ELMO1: variants seen among roughly 807,000 people sequenced by gnomAD.
ELMO1 encodes engulfment and cell motility 1, also known as engulfment and cell motility protein 1.
Under a neutral mutation model 98.9 loss-of-function variants are expected in ELMO1, and 26 were observed. The observed-to-expected ratio is 0.26, with a 90% CI of 0.19 to 0.36. ELMO1 has a LOEUF of 0.36. Ranked by LOEUF, ELMO1 falls within the 10% of genes least tolerant of loss-of-function variation. ELMO1 has a pLI of 1.00. For missense variants in ELMO1, 627 were observed against 935.2 expected (o/e 0.67, Z 4.30); for synonymous variants, 346 against 346.0 (o/e 1.00, Z 0.00).
intron 15 of ELMO1, among the ~76,000 whole-genome samples, chr7:37,092,585 C>T (rs1784168835): frequency 6.6e-6 from 1 of 151,862 alleles, no homozygotes; most frequent in African/African-American, 2.4e-5. Flanking sequence ...CCGTGTTAGA[C>T]AGGACGGTCT....
intron 16 of ELMO1, among the ~76,000 whole-genome samples, chr7:37,001,620 G>A (rs1252300818): frequency 6.6e-6 from 1 of 152,208 alleles, no homozygotes; most frequent in East Asian, 1.9e-4. Flanking sequence ...ATAAAAGGGA[G>A]ATGGTAACTA....
intron 2 of ELMO1, among the ~76,000 whole-genome samples, chr7:37,337,685 G>A (rs564289833): frequency 2.6e-5 from 4 of 152,306 alleles, no homozygotes; most frequent in Admixed American, 2.6e-4. Flanking sequence ...AGTCTGTGAT[G>A]CCATGCAAAT....
At chr7:37,256,063 A>G (rs1179134461) in intron 6 of ELMO1, among the ~76,000 whole-genome samples, 1 of 152,108 alleles carries the variant, frequency 6.6e-6, no homozygotes, top group African/African-American at 2.4e-5. Context: ...CCCCTCACAG[A>G]CAGGACCCTC....
intron 1 of ELMO1, among the ~76,000 whole-genome samples, chr7:37,365,264 A>C (rs989651885): frequency 2.0e-5 from 3 of 152,144 alleles, no homozygotes; most frequent in African/African-American, 7.2e-5. Context: ...AAAATAAAAG[A>C]GGTTGTTTTG....
At chr7:37,069,624 A>C (rs1797165419) in intron 15 of ELMO1, among the ~76,000 whole-genome samples, 1 of 152,216 alleles carries the variant, frequency 6.6e-6, no homozygotes, top group Non-Finnish European at 1.5e-5. Flanking sequence ...CCCCAAACTT[A>C]TAATTTATTT....
chr7:37,446,776 C>T (rs554681412), intron 1 of ELMO1, among the ~76,000 whole-genome samples: 2 of 152,252 alleles, frequency 1.3e-5, no homozygotes, highest in South Asian at 4.2e-4. Flanking sequence ...TGACACAACC[C>T]CTCCCCAAGA....
At chr7:37,424,048 A>T (rs1804602588) in intron 1 of ELMO1, among the ~76,000 whole-genome samples, 2 of 152,150 alleles carry the variant, frequency 1.3e-5, no homozygotes, top group Admixed American at 1.3e-4. Flanking sequence ...TGGAATGCAG[A>T]TCAAGGTCCA....
intron 13 of ELMO1, among the ~76,000 whole-genome samples, chr7:37,182,616 C>T (rs981665962): frequency 6.6e-6 from 1 of 151,536 alleles, no homozygotes; most frequent in African/African-American, 2.4e-5. Context: ...CCTTGACAAG[C>T]GCTTTTTCAT....
At chr7:37,099,709 T>C (rs981112516) in intron 14 of ELMO1, among the ~76,000 whole-genome samples, 7 of 152,348 alleles carry the variant, frequency 4.6e-5, no homozygotes, top group Admixed American at 2.0e-4. Context: ...TCTCTATCAA[T>C]TGATTTCCAA....
intron 2 of ELMO1, among the ~76,000 whole-genome samples, chr7:37,336,461 G>A (rs1684962304): frequency 6.6e-6 from 1 of 152,230 alleles, no homozygotes; most frequent in African/African-American, 2.4e-5. Flanking sequence ...CTGTTGTTAT[G>A]TATGTAGGCA....
At chr7:37,292,743 G>T (rs1188369188) in intron 4 of ELMO1, among the ~76,000 whole-genome samples, 1 of 85,688 alleles carries the variant, frequency 1.2e-5, no homozygotes, top group African/African-American at 4.1e-5. Flanking sequence ...AGGTGGGGGG[G>T]TCAGCCCCCC....
intron 14 of ELMO1, among the ~76,000 whole-genome samples, chr7:37,128,212 C>T (rs936091461): frequency 2.7e-5 from 4 of 150,180 alleles, no homozygotes; most frequent in Non-Finnish European, 1.5e-5. Context: ...AACAAACAAA[C>T]AAAAAACATA....
At chr7:37,076,225 C>T (rs575587561) in intron 15 of ELMO1, among the ~76,000 whole-genome samples, 1 of 152,302 alleles carries the variant, frequency 6.6e-6, no homozygotes, top group South Asian at 2.1e-4. Context: ...ATTTGACTGC[C>T]TCCTTCCAGT....
chr7:36,931,687 C>T (rs544742695), intron 16 of ELMO1, among the ~76,000 whole-genome samples: 4 of 152,208 alleles, frequency 2.6e-5, no homozygotes, highest in Non-Finnish European at 5.9e-5. Flanking sequence ...ATTATAAGCA[C>T]GTGGCCAGCT....
chr7:37,312,649 T>A (rs1798950738), intron 4 of ELMO1, among the ~76,000 whole-genome samples: 1 of 152,084 alleles, frequency 6.6e-6, no homozygotes, highest in African/African-American at 2.4e-5. Flanking sequence ...ATGCTTATGT[T>A]CTCTATGAAG....
At chr7:37,059,829 CAG>C (rs1796576515) in intron 15 of ELMO1, among the ~76,000 whole-genome samples, 1 of 152,214 alleles carries the variant, frequency 6.6e-6, no homozygotes, top group Non-Finnish European at 1.5e-5. Flanking sequence ...AATTACCACT[CAG>C]AGCTGGAAAT....
At chr7:37,389,646 A>T (rs1334839905) in intron 1 of ELMO1, among the ~76,000 whole-genome samples, 3 of 152,158 alleles carry the variant, frequency 2.0e-5, no homozygotes, top group Admixed American at 2.0e-4. Context: ...CAGGAATAAT[A>T]GCTTGGTCAC....
intron 16 of ELMO1, among the ~76,000 whole-genome samples, chr7:36,908,108 T>C (rs540187183): frequency 1.3e-4 from 20 of 152,352 alleles, no homozygotes; most frequent in African/African-American, 4.8e-4. Context: ...AATTTCTATA[T>C]CACTTCCCAT....
intron 13 of ELMO1, among the ~76,000 whole-genome samples, chr7:37,157,025 A>G (rs536901840): frequency 1.2e-3 from 178 of 152,358 alleles, no homozygotes; most frequent in African/African-American, 4.2e-3. Flanking sequence ...ATGCAAATCA[A>G]TAAACATAAT....
Sources: allele counts gnomAD v4.1 joint callset (sites outside exome capture counted in the v4.1 genomes callset), GRCh38; gene constraint gnomAD v4.1.1; transcripts MANE v1.5; gene names NCBI Gene and HGNC (gene_info 2026-07-23, HGNC 2026-07-21).